The following CNTN5 variants were observed in gnomAD, a reference collection of about 807,000 sequenced individuals.
CNTN5 encodes contactin 5, also known as contactin-5.
Under a neutral mutation model 129.1 loss-of-function variants are expected in CNTN5, and 77 were observed. The ratio of observed to expected loss-of-function variants is 0.60; its 90% CI spans 0.50 to 0.72. CNTN5 has a LOEUF of 0.72. Among genes scored for constraint, CNTN5 ranks in the 30% least tolerant of loss-of-function variants. The probability of loss-of-function intolerance (pLI) is 0.00; values close to 1 mark genes in which losing one functional copy is unlikely to be tolerated. For missense variants in CNTN5, 1,478 were observed against 1,328.8 expected, an observed-to-expected ratio of 1.11 and a Z score of -1.75; for synonymous variants, 509 against 465.6, an observed-to-expected ratio of 1.09 and a Z score of -1.20.
chr11:99,349,584 T>A (rs1938148284), intron 2 of CNTN5, among the ~76,000 whole-genome samples: 2 of 152,300 alleles, frequency 1.3e-5, no homozygotes, highest in South Asian at 4.1e-4. Flanking sequence ...CACCATGGTG[T>A]AATGGATCAT....
chr11:99,123,249 A>G (rs549538923), intron 1 of CNTN5, among the ~76,000 whole-genome samples: 1 of 151,702 alleles, frequency 6.6e-6, no homozygotes, highest in East Asian at 1.9e-4. Context: ...TCTGACTGGT[A>G]TGATATAATA....
intron 2 of CNTN5, among the ~76,000 whole-genome samples, chr11:99,472,216 G>C (rs1945204252): frequency 1.3e-5 from 2 of 152,254 alleles, no homozygotes; most frequent in South Asian, 4.1e-4. Context: ...TGTAGTATGA[G>C]TCTGTGAATT....
chr11:99,575,771 C>T (rs1261750542), intron 3 of CNTN5, among the ~76,000 whole-genome samples: 1 of 152,144 alleles, frequency 6.6e-6, no homozygotes, highest in Non-Finnish European at 1.5e-5. Flanking sequence ...TAGCCAATGC[C>T]ACCAGACAGG....
chr11:99,938,728 T>G (rs1950369805), intron 7 of CNTN5, among the ~76,000 whole-genome samples: 2 of 152,106 alleles, frequency 1.3e-5, no homozygotes. Context: ...CAAGCCGCAA[T>G]CTACATACTT....
intron 21 of CNTN5, among the ~76,000 whole-genome samples, chr11:100,336,572 C>T (rs1329709485): frequency 6.6e-6 from 1 of 152,008 alleles, no homozygotes; most frequent in South Asian, 2.1e-4. Context: ...TTATTGATAT[C>T]TTTTTAATGA....
intron 1 of CNTN5, among the ~76,000 whole-genome samples, chr11:99,164,322 C>CAAAAA (rs35669418): frequency 6.1e-5 from 3 of 49,046 alleles, no homozygotes; most frequent in Admixed American, 2.3e-4. Flanking sequence ...CACTCCATCT[C>CAAAAA]AAAAAAAAAA....
Position 100,000,011 on chromosome 11 carries a change from G to A in CNTN5, c.878-2023G>A, listed in dbSNP as rs867587465. Among the ~76,000 whole-genome samples the A allele has an allele frequency of 4.3e-3, 636 of 149,114 alleles. 4 individuals are homozygous for A. The highest frequency in any genetic ancestry group is 0.015 in the African/African-American group (587 of 40,146). On this transcript the variant is annotated intron_variant, in intron 8 of 24. Coordinates refer to ENST00000524871, the MANE Select transcript of CNTN5 (RefSeq NM_014361.4). ...ATCACACTCTGGGGACTGTTGTGGG[G>A]TGTGGGGAGCGGGGAGGGATAACAT...
intron 4 of CNTN5, among the ~76,000 whole-genome samples, chr11:99,841,569 AAG>A (rs1018142740): frequency 6.6e-6 from 1 of 151,650 alleles, no homozygotes; most frequent in African/African-American, 2.4e-5. Context: ...TAAGTATAAT[AAG>A]AGTGAGAAAA....
chr11:100,100,357 A>G (rs1294867523), intron 13 of CNTN5, among the ~76,000 whole-genome samples: 2 of 152,070 alleles, frequency 1.3e-5, no homozygotes, highest in Non-Finnish European at 2.9e-5. Flanking sequence ...ATTTGCTCAT[A>G]TGTCTCTATA....
At chr11:99,634,668 C>T (rs549822501) in intron 3 of CNTN5, among the ~76,000 whole-genome samples, 9 of 152,278 alleles carry the variant, frequency 5.9e-5, no homozygotes, top group Admixed American at 2.0e-4. Context: ...CATCTGAAAG[C>T]ACCCTCCCTC....
intron 13 of CNTN5, among the ~76,000 whole-genome samples, chr11:100,139,193 G>A (rs1591304285): frequency 6.6e-6 from 1 of 151,990 alleles, no homozygotes; most frequent in East Asian, 1.9e-4. Context: ...GTAGTCACAG[G>A]GCAGAGATAT....
At chr11:100,033,793 T>C (rs1437964260) in intron 9 of CNTN5, among the ~76,000 whole-genome samples, 1 of 152,176 alleles carries the variant, frequency 6.6e-6, no homozygotes, top group Non-Finnish European at 1.5e-5. Flanking sequence ...TCTGTCTTCA[T>C]TGTGGCTAAT....
chr11:99,305,860 A>T (rs994265784), intron 1 of CNTN5, among the ~76,000 whole-genome samples: 2 of 152,044 alleles, frequency 1.3e-5, no homozygotes, highest in Non-Finnish European at 2.9e-5. Context: ...AGGCACCTGT[A>T]GTCCCAGCTA....
intron 3 of CNTN5, among the ~76,000 whole-genome samples, chr11:99,765,480 A>G (rs546247175): frequency 1.8e-4 from 28 of 151,898 alleles, no homozygotes; most frequent in African/African-American, 6.0e-4. Flanking sequence ...AGGCTAATCT[A>G]TAGTACTAGA....
At chr11:99,774,571 C>A (rs1256769657) in intron 3 of CNTN5, among the ~76,000 whole-genome samples, 1 of 151,828 alleles carries the variant, frequency 6.6e-6, no homozygotes, top group Non-Finnish European at 1.5e-5. Flanking sequence ...AGCTAGGAGG[C>A]CTACATTGTC....
intron 15 of CNTN5, among the ~76,000 whole-genome samples, chr11:100,214,104 A>C (rs1362280768): frequency 6.6e-6 from 1 of 152,194 alleles, no homozygotes; most frequent in Non-Finnish European, 1.5e-5. Context: ...AGTTTGAAAG[A>C]TCCAAATATT....
At chr11:100,297,602 T>C in intron 18 of CNTN5, 23 bp from the exon 19 acceptor site, 1 of 1,589,926 alleles carries the variant, frequency 6.3e-7, no homozygotes, top group Non-Finnish European at 8.6e-7. Flanking sequence ...TTCTCCTCAC[T>C]CTCCACCCAT....
intron 13 of CNTN5, among the ~76,000 whole-genome samples, chr11:100,155,507 C>A (rs191511407): frequency 2.0e-5 from 3 of 152,006 alleles, no homozygotes; most frequent in Non-Finnish European, 4.4e-5. Context: ...TATATGGGCT[C>A]TTTTTTTGTT....
At chr11:100,090,659 T>A (rs561331565) in intron 13 of CNTN5, among the ~76,000 whole-genome samples, 7 of 151,366 alleles carry the variant, frequency 4.6e-5, no homozygotes, top group Admixed American at 4.0e-4. Context: ...GGAGATTCAG[T>A]GCCTGGTGAG....
Sources: allele counts gnomAD v4.1 joint callset (sites outside exome capture counted in the v4.1 genomes callset), GRCh38; gene constraint gnomAD v4.1.1; transcripts MANE v1.5; gene names NCBI Gene and HGNC (gene_info 2026-07-23, HGNC 2026-07-21).